The following SERPINB9 variants were observed in gnomAD, a reference collection of about 807,000 sequenced individuals.
The protein encoded by SERPINB9 is serpin family B member 9, also known as serpin B9.
SERPINB9 carries 20 observed loss-of-function variants against 27.2 expected under a neutral mutation model. The observed-to-expected ratio is 0.74, with a 90% CI of 0.52 to 1.07. The LOEUF (loss-of-function observed/expected upper bound fraction) is 1.07, where lower values mean the gene tolerates loss of function less well. SERPINB9 is among the 50% of genes least tolerant of loss of function. The pLI is 0.00. For synonymous variants in SERPINB9, 189 were observed against 180.0 expected, an observed-to-expected ratio of 1.05 and a Z score of -0.40; for missense variants, 476 against 460.1, an observed-to-expected ratio of 1.03 and a Z score of -0.32.
chr6:2,902,974 G>A (rs1768252808), intron 1 of SERPINB9, among the ~76,000 whole-genome samples: 1 of 152,346 alleles, frequency 6.6e-6, no homozygotes. Context: ...AGACATCCGG[G>A]AGGGAGGCGT....
intron 2 of SERPINB9, among the ~76,000 whole-genome samples, chr6:2,897,123 C>CAAA (rs761775676): frequency 2.9e-5 from 2 of 69,002 alleles, no homozygotes; most frequent in African/African-American, 4.5e-5. Flanking sequence ...AAGACCATGT[C>CAAA]AAAAAAAAAA....
Position 2,888,577 on chromosome 6 carries a change from C to T in SERPINB9, c.*1586G>A, listed in dbSNP as rs1767671166. Reference sequence around the variant, plus strand: ...CTTGTACTAAGTGAAAGAAGCCAGACACAAAAGGTCTCATACAATTCAATT... The same window carrying T: ...CTTGTACTAAGTGAAAGAAGCCAGATACAAAAGGTCTCATACAATTCAATT... On this transcript the variant is annotated 3_prime_UTR_variant, in exon 7 of 7. Coordinates refer to ENST00000380698, the MANE Select transcript of SERPINB9 (RefSeq NM_004155.6). 1 of 152,248 alleles carries T rather than the reference C, an allele frequency of 6.6e-6. No individual in the cohort carries two copies. Among genetic ancestry groups the T allele is most frequent in the African/African-American group, 2.4e-5 (1 of 41,538 alleles). The allele number at this position is 152,248 out of a possible 1,614,324, so 9.4% of individuals were successfully genotyped here. A position where few individuals can be genotyped will look rare whatever the true frequency, so the allele number is the denominator to read the frequency against.
Position 2,894,705 on chromosome 6 carries a change from T to C in SERPINB9, c.424+686A>G, listed in dbSNP as rs562346577. Among the ~76,000 whole-genome samples, 8 of 152,340 alleles carry C rather than the reference T, an allele frequency of 5.3e-5. No homozygotes were observed. Among genetic ancestry groups the C allele is most frequent in the African/African-American group, 1.9e-4 (8 of 41,574 alleles). ...AATGTTACAGGCCAGGGAGAGTATATTTTAATGCAAGTTATTAAACTGGAA... is the reference window on the plus strand; with the variant it reads ...AATGTTACAGGCCAGGGAGAGTATACTTTAATGCAAGTTATTAAACTGGAA... On this transcript the variant is annotated intron_variant, in intron 4 of 6. Transcript: ENST00000380698. This position sits in a 1 kb window ranked among gnomAD's most constrained non-coding sequence, Gnocchi z 4.7.
Position 2,895,319 on chromosome 6 carries a change from G to T in SERPINB9, c.424+72C>A, listed in dbSNP as rs1767955745. 6.5e-5 allele frequency: 62 copies of T among 950,946 alleles called. No homozygotes were observed. In the South Asian group the frequency reaches 8.2e-4, roughly 13 times the overall value. The allele number at this position is 950,946 out of a possible 1,614,324, so 58.9% of individuals were successfully genotyped here. On this transcript the variant is annotated intron_variant, in intron 4 of 6. Coordinates refer to ENST00000380698, the MANE Select transcript of SERPINB9 (RefSeq NM_004155.6). ...AGGAGGAGAGAGGATATAAGAGGCG[G>T]GAAGGAGGAATAGGAAGAGCCGCAG...
At chr6:2,892,104 CTAAAAAAAAAA>C in intron 5 of SERPINB9, 116 bp from the exon 6 acceptor site, 1 of 79,180 alleles carries the variant, frequency 1.3e-5, no homozygotes, top group African/African-American at 1.8e-4. Flanking sequence ...CCAGTTAACA[CTAAAAAAAAAA>C]AAAAAAAAAA....
rs138619378 is a variant in SERPINB9, at chr6:2,891,932, G to A, written c.624C>T (p.His208=). 6.4e-5 allele frequency: 103 copies of A among 1,613,268 alleles called. 2 individuals are homozygous for A. In the South Asian group the frequency reaches 7.5e-4, roughly 12 times the overall value. ...GCAGCTGCGCGCGCACCTCGCCCACGTGGGCGAGCTTAAACGTGGCCTCCT... is the reference window on the plus strand; with the variant it reads ...GCAGCTGCGCGCGCACCTCGCCCACATGGGCGAGCTTAAACGTGGCCTCCT... ...MYQEATFKLA[H]VGEVRAQLLE... is the part of the protein sequence containing the mutation. The change falls in exon 6 of 7, where the codon CAC becomes CAT. Residue 208 remains histidine (H), a synonymous_variant. Coordinates refer to ENST00000380698, the MANE Select transcript of SERPINB9 (RefSeq NM_004155.6). This position sits in a 1 kb window ranked among gnomAD's most constrained non-coding sequence, Gnocchi z 4.0.
chr6:2,890,599 T>G lies in SERPINB9; in HGVS notation c.724-29A>C, dbSNP rs1346083815. The G allele has an allele frequency of 6.3e-7, 1 of 1,586,078 alleles. No individual in the cohort carries two copies. The highest frequency in any genetic ancestry group is 1.1e-5 in the South Asian group (1 of 87,518). On this transcript the variant is annotated intron_variant, in intron 6 of 6. Transcript: ENST00000380698. The surrounding 1 kb of genome is among the most constrained non-coding windows in gnomAD (Gnocchi z 6.2). ...AAAGACCAGAATTAGACTTTAAGAT[T>G]CCGACTTCAGTGCACATGTACAAGC...
At chr6:2,896,570 A>G (rs1768006907) in intron 2 of SERPINB9, among the ~76,000 whole-genome samples, 1 of 152,254 alleles carries the variant, frequency 6.6e-6, no homozygotes, top group African/African-American at 2.4e-5. Flanking sequence ...AATGTGATTA[A>G]TAAGACAATA....
At chr6:2,902,837 G>T (rs1371368330) in intron 1 of SERPINB9, among the ~76,000 whole-genome samples, 2 of 152,192 alleles carry the variant, frequency 1.3e-5, no homozygotes, top group African/African-American at 4.8e-5. Context: ...GACTGTAAAG[G>T]ACAGTGAAGA....
At chr6:2,899,273 T>A (rs1768110203) in intron 2 of SERPINB9, among the ~76,000 whole-genome samples, 2 of 152,076 alleles carry the variant, frequency 1.3e-5, no homozygotes, top group African/African-American at 4.8e-5. Flanking sequence ...CAAAAACCTT[T>A]GACAAACAGA....
At chr6:2,895,243 G>C (rs1767952756) in intron 4 of SERPINB9, 148 bp downstream of exon 4, 1 of 610,204 alleles carries the variant, frequency 1.6e-6, no homozygotes, top group Non-Finnish European at 2.9e-6. Context: ...AGGGGGCGGA[G>C]TGGAGAGGTG....
chr6:2,900,885 T>TCTCTCACA (rs61100591), intron 1 of SERPINB9, among the ~76,000 whole-genome samples: 2 of 141,480 alleles, frequency 1.4e-5, no homozygotes, highest in Admixed American at 1.4e-4. Context: ...GCTCGCTCTC[T>TCTCTCACA]CACACACACA....
rs768184499 is a variant in SERPINB9 at position 2,890,363 on chromosome 6, G to C, written c.931C>G (p.Leu311Val). 10 of 1,614,122 alleles carry C rather than the reference G, an allele frequency of 6.2e-6. No individual in the cohort carries two copies. The highest frequency in any genetic ancestry group is 8.5e-6 in the Non-Finnish European group (10 of 1,180,044). Residue 311 changes from leucine (L) to valine (V), a missense_variant, in exon 7 of 7, where the codon CTG becomes GTG. Coordinates refer to ENST00000380698, the MANE Select transcript of SERPINB9 (RefSeq NM_004155.6). This position sits in a 1 kb window ranked among gnomAD's most constrained non-coding sequence, Gnocchi z 6.2. ...AAACTCTTGTGCACGAACTTGGACA[G>C]ACACAGGTCTCTCTCCGCTGACATT... Reference protein sequence around the residue: ...SAMSAERDLCLSKFVHKSFVE... With the variant: ...SAMSAERDLCVSKFVHKSFVE...
Position 2,890,444 on chromosome 6 carries a change from G to C in SERPINB9, c.850C>G (p.Leu284Val), listed in dbSNP as rs1248872219. ...GCATCAACAATTCCCAAATGCCGAA[G>C]CACAGATTCCATGTCATAATCCTCT... ...LQEDYDMESV[L>V]RHLGIVDAFQ... is the part of the protein sequence containing the mutation. The change falls in exon 7 of 7, where the codon CTT becomes GTT. Residue 284 changes from leucine to valine, a missense_variant. By Grantham distance (32) the Leu-to-Val change is conservative (BLOSUM62 1). Transcript: ENST00000380698. This position sits in a 1 kb window ranked among gnomAD's most constrained non-coding sequence, Gnocchi z 6.2. The C allele has an allele frequency of 6.2e-7, 1 of 1,614,198 alleles. No homozygotes were observed. Among genetic ancestry groups the C allele is most frequent in the Non-Finnish European group, 8.5e-7 (1 of 1,180,046 alleles).
At chr6:2,895,237 G>A (rs1242189829) in intron 4 of SERPINB9, among the ~76,000 whole-genome samples, 154 bp downstream of exon 4, 1 of 152,154 alleles carries the variant, frequency 6.6e-6, no homozygotes, top group East Asian at 1.9e-4. Flanking sequence ...AATTAGAGGG[G>A]GCGGAGTGGA....
At chr6:2,900,885 T>TCTCTCTCTCACACACACA (rs61100591) in intron 1 of SERPINB9, among the ~76,000 whole-genome samples, 5 of 141,482 alleles carry the variant, frequency 3.5e-5, no homozygotes, top group African/African-American at 1.4e-4. Context: ...GCTCGCTCTC[T>TCTCTCTCTCACACACACA]CACACACACA....
At chr6:2,902,355 G>GCAGGCTCTGCAGGCGAGCGCTGAGC (rs1768234642) in intron 1 of SERPINB9, among the ~76,000 whole-genome samples, 2 of 151,794 alleles carry the variant, frequency 1.3e-5, no homozygotes, top group African/African-American at 4.9e-5. Context: ...CCCACAGACC[G>GCAGGCTCTGCAGGCGAGCGCTGAGC]CAGGCTCTGC....
rs767709689 is a variant in SERPINB9, at chr6:2,900,491, T to A, written c.121A>T (p.Met41Leu). 1 of 1,614,146 alleles carries A rather than the reference T, an allele frequency of 6.2e-7. No homozygotes were observed. The highest frequency in any genetic ancestry group is 1.1e-5 in the South Asian group (1 of 91,072). Residue 41 changes from methionine to leucine, a missense_variant, in exon 2 of 7, where the codon ATG (methionine) becomes TTG (leucine). Transcript: ENST00000380698. ...TTTCCCTTTGCCCCTAGGAGAACCATGGCCAGGGCAGAGGAGATGCTCACA... is the reference window on the plus strand; with the variant it reads ...TTTCCCTTTGCCCCTAGGAGAACCAAGGCCAGGGCAGAGGAGATGCTCACA... ...SPVSISSALA[M>L]VLLGAKGNTA...
Position 2,890,234 on chromosome 6 carries a change from G to A in SERPINB9, c.1060C>T (p.Pro354Ser), listed in dbSNP as rs1363033271. Reference protein sequence around the residue: ...ESGPRFCADHPFLFFIRHNRA... With the variant: ...ESGPRFCADHSFLFFIRHNRA... ...TTGTGCCTGATGAAGAAAAGGAAAG[G>A]GTGGTCAGCACAGAACCTGGGGCCA... The change falls in exon 7 of 7, where the codon CCT (proline) becomes TCT (serine). Residue 354 changes from proline (P) to serine (S), a missense_variant. By Grantham distance (74) the Pro-to-Ser change is moderately conservative. Transcript: ENST00000380698. The surrounding 1 kb of genome is among the most constrained non-coding windows in gnomAD (Gnocchi z 6.2). The A allele has an allele frequency of 1.9e-6, 3 of 1,614,196 alleles. No individual in the cohort carries two copies. Among genetic ancestry groups the A allele is most frequent in the Non-Finnish European group, 2.5e-6 (3 of 1,180,034 alleles).
Sources: allele counts gnomAD v4.1 joint callset (sites outside exome capture counted in the v4.1 genomes callset), GRCh38; gene constraint gnomAD v4.1.1; non-coding constraint Gnocchi (gnomAD v3.1); transcripts MANE v1.5; gene names NCBI Gene and HGNC (gene_info 2026-07-23, HGNC 2026-07-21).